The following TAFA5 variants were observed in gnomAD, a reference collection of about 807,000 sequenced individuals.
TAFA5 encodes TAFA chemokine like family member 5, also known as chemokine-like protein TAFA-5.
TAFA5 carries 6 observed loss-of-function variants against 15.3 expected under a neutral mutation model. The ratio of observed to expected loss-of-function variants is 0.39; its 90% CI spans 0.21 to 0.77. The LOEUF (loss-of-function observed/expected upper bound fraction) is 0.77. Among genes scored for constraint, TAFA5 ranks in the 30% least tolerant of loss-of-function variants. The pLI, the probability that TAFA5 is intolerant of heterozygous loss-of-function variation, is 0.41. For synonymous variants in TAFA5, 103 were observed against 80.7 expected, an observed-to-expected ratio of 1.28 and a Z score of -1.48; for missense variants, 161 against 193.1, an observed-to-expected ratio of 0.83 and a Z score of 0.98.
intron 3 of TAFA5, among the ~76,000 whole-genome samples, chr22:48,744,091 G>A (rs1393219725): frequency 6.6e-6 from 1 of 152,240 alleles, no homozygotes; most frequent in East Asian, 1.9e-4. Flanking sequence ...CCTGAACCCT[G>A]CACTTGTGCA....
At chr22:48,635,682 C>G (rs189720420) in intron 1 of TAFA5, among the ~76,000 whole-genome samples, 5 of 152,308 alleles carry the variant, frequency 3.3e-5, no homozygotes, top group African/African-American at 1.2e-4. Flanking sequence ...AGGACATATT[C>G]CCAGGCCTCT....
intron 1 of TAFA5, among the ~76,000 whole-genome samples, chr22:48,508,101 G>A (rs993569481): frequency 6.6e-6 from 1 of 152,140 alleles, no homozygotes; most frequent in African/African-American, 2.4e-5. Flanking sequence ...GCAACCCTGA[G>A]GCAGAGCCAG....
At chr22:48,507,467 G>A (rs756663811) in intron 1 of TAFA5, among the ~76,000 whole-genome samples, 6 of 152,198 alleles carry the variant, frequency 3.9e-5, no homozygotes, top group Non-Finnish European at 1.5e-5. Flanking sequence ...CAGACGTGGT[G>A]GCGTCTGCCT....
chr22:48,575,510 G>A (rs562743939), intron 1 of TAFA5, among the ~76,000 whole-genome samples: 2,104 of 146,336 alleles, frequency 0.014, 49 homozygotes, highest in African/African-American at 0.046. Context: ...GAGCCGAGCG[G>A]GCGGGCGCGC....
intron 1 of TAFA5, among the ~76,000 whole-genome samples, chr22:48,531,081 A>G (rs1921954563): frequency 6.6e-6 from 1 of 152,084 alleles, no homozygotes; most frequent in Non-Finnish European, 1.5e-5. Context: ...TGGCTGGGGT[A>G]GCCAGGAGCC....
chr22:48,608,030 G>A (rs1186490666), intron 1 of TAFA5, among the ~76,000 whole-genome samples: 2 of 119,596 alleles, frequency 1.7e-5, no homozygotes, highest in African/African-American at 6.7e-5. Flanking sequence ...CTCACACCAC[G>A]ACAGCTCAGG....
intron 1 of TAFA5, among the ~76,000 whole-genome samples, chr22:48,502,064 C>T (rs1345173362): frequency 2.0e-5 from 3 of 152,334 alleles, no homozygotes; most frequent in Middle Eastern, 3.4e-3. Flanking sequence ...GCCTGTGGCC[C>T]ACCCGCTGTC....
chr22:48,622,035 T>C (rs1352716420), intron 1 of TAFA5, among the ~76,000 whole-genome samples: 1 of 152,060 alleles, frequency 6.6e-6, no homozygotes, highest in Non-Finnish European at 1.5e-5. Flanking sequence ...TCTTGAACCA[T>C]CCATTCCAGA....
chr22:48,499,149 T>C, intron 1 of TAFA5, among the ~76,000 whole-genome samples: 1 of 152,206 alleles, frequency 6.6e-6, no homozygotes, highest in East Asian at 1.9e-4. Context: ...TTCCAGAGCT[T>C]GGAATCAGCG....
intron 1 of TAFA5, among the ~76,000 whole-genome samples, chr22:48,582,960 C>A (rs1601594221): frequency 2.1e-5 from 1 of 47,806 alleles, no homozygotes; most frequent in African/African-American, 4.7e-5. Context: ...CACACACACA[C>A]CACACACCAC....
At chr22:48,542,638 A>ATGTGTGTGTGTGTGGTGTGTGTGTGTGG (rs1555886629) in intron 1 of TAFA5, among the ~76,000 whole-genome samples, 1 of 84,966 alleles carries the variant, frequency 1.2e-5, no homozygotes. Context: ...TGGGTGTGTG[A>ATGTGTGTGTGTGTGGTGTGTGTGTGTGG]TGTGTGTGTG....
At chr22:48,637,622 C>T (rs1007025619) in intron 1 of TAFA5, among the ~76,000 whole-genome samples, 4 of 152,152 alleles carry the variant, frequency 2.6e-5, no homozygotes, top group East Asian at 1.9e-4. Flanking sequence ...CTGCTGGTCT[C>T]GTATCTGTAA....
chr22:48,559,751 G>A (rs1338325549), intron 1 of TAFA5, among the ~76,000 whole-genome samples: 2 of 152,198 alleles, frequency 1.3e-5, no homozygotes, highest in Non-Finnish European at 2.9e-5. Flanking sequence ...CCAGGCAGGA[G>A]GGGCGGCGGG....
intron 2 of TAFA5, among the ~76,000 whole-genome samples, chr22:48,701,283 G>A (rs1171347163): frequency 6.6e-6 from 1 of 152,138 alleles, no homozygotes; most frequent in African/African-American, 2.4e-5. Flanking sequence ...GTGTCCTCCA[G>A]CTGTGTCTAG....
chr22:48,521,968 C>G (rs185092727), intron 1 of TAFA5, among the ~76,000 whole-genome samples: 3 of 152,250 alleles, frequency 2.0e-5, no homozygotes, highest in African/African-American at 2.4e-5. Flanking sequence ...GGACAGAGGC[C>G]GAGCTCCCGG....
At chr22:48,509,421 C>T (rs1347893549) in intron 1 of TAFA5, among the ~76,000 whole-genome samples, 1 of 152,156 alleles carries the variant, frequency 6.6e-6, no homozygotes, top group Non-Finnish European at 1.5e-5. Context: ...GATTTACATT[C>T]CCACCGATAG....
chr22:48,657,047 A>C (rs1029032675), intron 2 of TAFA5, among the ~76,000 whole-genome samples: 2 of 152,166 alleles, frequency 1.3e-5, no homozygotes, highest in Non-Finnish European at 2.9e-5. Flanking sequence ...CTGGGATTAC[A>C]GGTGTGAGCC....
At chr22:48,539,591 C>T (rs1569017620) in intron 1 of TAFA5, 3 of 424,768 alleles carry the variant, frequency 7.1e-6, no homozygotes, top group Admixed American at 5.0e-5. Context: ...AGGTGGAAAT[C>T]GGGAAGGACG....
chr22:48,612,456 C>T (rs1569047475), intron 1 of TAFA5, among the ~76,000 whole-genome samples: 7 of 152,126 alleles, frequency 4.6e-5, no homozygotes, highest in Admixed American at 4.6e-4. Context: ...CCCTATAGCA[C>T]GCCCACCTGT....
Sources: gnomAD v4.1 joint callset for allele counts (sites outside exome capture counted in the v4.1 genomes callset) on GRCh38, gnomAD v4.1.1 for gene constraint, MANE v1.5 for transcripts, NCBI Gene and HGNC (gene_info 2026-07-23, HGNC 2026-07-21) for gene names.